The following PTPRK variants were observed in gnomAD, a reference collection of about 807,000 sequenced individuals.
PTPRK encodes the protein receptor-type tyrosine-protein phosphatase kappa.
A neutral mutation model predicts 178.0 loss-of-function variants in PTPRK; 75 were observed. The ratio of observed to expected loss-of-function variants is 0.42; its 90% CI spans 0.35 to 0.51. The LOEUF (loss-of-function observed/expected upper bound fraction) is 0.51, where lower values mean the gene tolerates loss of function less well. Ranked by LOEUF, PTPRK falls within the 20% of genes least tolerant of loss-of-function variation. The pLI, the probability that PTPRK is intolerant of heterozygous loss-of-function variation, is 0.02. For synonymous variants in PTPRK, 637 were observed against 620.6 expected (o/e 1.03, Z -0.39); for missense variants, 1,441 against 1,797.8 (o/e 0.80, Z 3.59).
intron 13 of PTPRK, among the ~76,000 whole-genome samples, chr6:128,044,557 G>C (rs1298760203): frequency 6.6e-6 from 1 of 151,798 alleles, no homozygotes; most frequent in Non-Finnish European, 1.5e-5. Context: ...TCTATTCCTT[G>C]AATATCTAAA....
chr6:128,495,419 T>C (rs571288478), intron 1 of PTPRK, among the ~76,000 whole-genome samples: 1 of 152,140 alleles, frequency 6.6e-6, no homozygotes, highest in Non-Finnish European at 1.5e-5. Flanking sequence ...AAAGGTAATA[T>C]GCAAATTTGT....
chr6:128,228,463 G>A (rs904715908), intron 5 of PTPRK, among the ~76,000 whole-genome samples: 1 of 149,460 alleles, frequency 6.7e-6, no homozygotes, highest in East Asian at 2.0e-4. Context: ...TGGTGAACAT[G>A]GTGAAACCCC....
chr6:128,227,190 T>C (rs1811503821), intron 5 of PTPRK, among the ~76,000 whole-genome samples: 1 of 152,000 alleles, frequency 6.6e-6, no homozygotes, highest in Non-Finnish European at 1.5e-5. Flanking sequence ...AGAAACATAA[T>C]GGGATTGGCT....
chr6:128,213,679 GC>G, intron 6 of PTPRK, among the ~76,000 whole-genome samples: 1 of 152,152 alleles, frequency 6.6e-6, no homozygotes. Flanking sequence ...TAAACAGCTT[GC>G]TAAAGGTCTC....
At chr6:128,294,683 T>TA (rs1308119392) in intron 3 of PTPRK, among the ~76,000 whole-genome samples, 1 of 152,094 alleles carries the variant, frequency 6.6e-6, no homozygotes, top group East Asian at 1.9e-4. Flanking sequence ...ATATCTGCAG[T>TA]AAAAAACAAA....
At chr6:128,417,811 G>A (rs1230372102) in intron 1 of PTPRK, among the ~76,000 whole-genome samples, 3 of 152,112 alleles carry the variant, frequency 2.0e-5, no homozygotes, top group Non-Finnish European at 1.5e-5. Flanking sequence ...GAATTCCACA[G>A]GGAATCTTAC....
chr6:128,217,699 G>A (rs1197246015), intron 6 of PTPRK, among the ~76,000 whole-genome samples: 3 of 152,074 alleles, frequency 2.0e-5, no homozygotes, highest in Admixed American at 1.3e-4. Context: ...GCCTCGGCAT[G>A]TGCTGTGTTC....
At chr6:128,289,133 T>C (rs1330708029) in intron 3 of PTPRK, among the ~76,000 whole-genome samples, 2 of 152,092 alleles carry the variant, frequency 1.3e-5, no homozygotes, top group Admixed American at 6.6e-5. Flanking sequence ...ACTAAAGATA[T>C]GGAAAGTCAT....
At chr6:128,316,738 GAC>G (rs1828047224) in intron 3 of PTPRK, among the ~76,000 whole-genome samples, 2 of 137,392 alleles carry the variant, frequency 1.5e-5, no homozygotes, top group South Asian at 2.3e-4. Context: ...TTAAATTTGA[GAC>G]AGAGTCTCAC....
intron 13 of PTPRK, among the ~76,000 whole-genome samples, chr6:128,031,317 C>T (rs1432603293): frequency 6.6e-6 from 1 of 152,176 alleles, no homozygotes; most frequent in Non-Finnish European, 1.5e-5. Context: ...AAGCTTGGTA[C>T]ATTTTCTTTC....
At chr6:128,081,503 T>C (rs1382303218) in intron 10 of PTPRK, among the ~76,000 whole-genome samples, 2 of 151,878 alleles carry the variant, frequency 1.3e-5, no homozygotes, top group Non-Finnish European at 2.9e-5. Flanking sequence ...GCAAATGGTA[T>C]AGATTAAAAA....
chr6:128,476,562 T>C (rs951633470), intron 1 of PTPRK, among the ~76,000 whole-genome samples: 5 of 152,042 alleles, frequency 3.3e-5, no homozygotes, highest in Non-Finnish European at 2.9e-5. Flanking sequence ...ATAATATGTA[T>C]AAACAATACA....
At chr6:128,503,665 CAGCCTAACTTTATGTATTTTGTTTTAGAG>C (rs1477068428) in intron 1 of PTPRK, among the ~76,000 whole-genome samples, 1 of 152,052 alleles carries the variant, frequency 6.6e-6, no homozygotes, top group African/African-American at 2.4e-5. Context: ...CCTAGCTCAC[CAGCCTAACTTTATGTATTTTGTTTTAGAG>C]ACAAGGTCTT....
chr6:128,349,859 G>T (rs1028282676), intron 2 of PTPRK, among the ~76,000 whole-genome samples: 1 of 152,006 alleles, frequency 6.6e-6, no homozygotes, highest in African/African-American at 2.4e-5. Flanking sequence ...GATTATAGGA[G>T]ACTTATGGGT....
intron 11 of PTPRK, 118 bp downstream of exon 11, chr6:128,078,695 A>G: frequency 1.8e-6 from 1 of 541,682 alleles, no homozygotes; most frequent in Non-Finnish European, 3.2e-6. Flanking sequence ...TATATAGAAA[A>G]AAACATAGTA....
chr6:128,333,925 A>G (rs374514861), intron 2 of PTPRK, among the ~76,000 whole-genome samples: 1 of 152,170 alleles, frequency 6.6e-6, no homozygotes, highest in East Asian at 1.9e-4. Flanking sequence ...TTATTCCTTT[A>G]AGTTGATAAT....
At chr6:128,433,473 G>T (rs915596939) in intron 1 of PTPRK, among the ~76,000 whole-genome samples, 4 of 151,784 alleles carry the variant, frequency 2.6e-5, no homozygotes, top group African/African-American at 9.7e-5. Context: ...TTTTATTCCA[G>T]GGCATTTCTA....
chr6:128,361,974 A>G (rs10872330), intron 2 of PTPRK, among the ~76,000 whole-genome samples: 151,193 of 152,248 alleles, frequency 0.99, 75,081 homozygotes, highest in East Asian at 1. Flanking sequence ...CCAGATTTGC[A>G]CTAATATAAA....
chr6:128,294,479 G>T (rs1823934813), intron 3 of PTPRK, among the ~76,000 whole-genome samples: 1 of 151,890 alleles, frequency 6.6e-6, no homozygotes, highest in Non-Finnish European at 1.5e-5. Flanking sequence ...GAGTCCTCTT[G>T]GGTTTCACAG....
Sources: gnomAD v4.1 joint callset for allele counts (sites outside exome capture counted in the v4.1 genomes callset) on GRCh38, gnomAD v4.1.1 for gene constraint, MANE v1.5 for transcripts, NCBI Gene and HGNC (gene_info 2026-07-23, HGNC 2026-07-21) for gene names.